The following EFEMP1 variants were observed in gnomAD, a reference collection of about 807,000 sequenced individuals.
EFEMP1 encodes EGF-like fibulin extracellular matrix protein 1.
In EFEMP1, 18 loss-of-function variants were observed where a neutral mutation model predicts 65.7. The ratio of observed to expected loss-of-function variants is 0.27; its 90% CI spans 0.19 to 0.41. The LOEUF (loss-of-function observed/expected upper bound fraction) is 0.41. Ranked by LOEUF, EFEMP1 falls within the 10% of genes least tolerant of loss-of-function variation. EFEMP1 has a pLI of 1.00. For synonymous variants in EFEMP1, 237 were observed against 219.7 expected, an observed-to-expected ratio of 1.08 and a Z score of -0.70; for missense variants, 469 against 624.8, an observed-to-expected ratio of 0.75 and a Z score of 2.66.
rs980965404 is a variant in EFEMP1 at position 55,886,902 on chromosome 2, G to C, written c.518-5168C>G. Among the ~76,000 whole-genome samples the C allele has an allele frequency of 6.6e-6, 1 of 151,942 alleles. No homozygotes were observed. Among genetic ancestry groups the C allele is most frequent in the Admixed American group, 6.6e-5 (1 of 15,252 alleles). ...TATTTGCTATTGATAATGATAACCT[G>C]AGTAATTAATATAATAAATTATGTA... On this transcript the variant is annotated intron_variant, in intron 5 of 11. Coordinates refer to ENST00000355426, the MANE Select transcript of EFEMP1 (RefSeq NM_001039348.3). The surrounding 1 kb of genome is among the most constrained non-coding windows in gnomAD (Gnocchi z 4.0).
At position 55,871,186 on chromosome 2, in the gene EFEMP1, T is replaced by C. The variant is rs1572781445; in HGVS notation, c.1001-63A>G. The C allele has an allele frequency of 3.1e-6, 5 of 1,607,496 alleles. No individual in the cohort carries two copies. The East Asian group carries it at 6.7e-5, about 22-fold the overall frequency. Reference sequence around the variant, plus strand: ...CTAATGAACTGATCTAATTAAATCATATAACTGGCAGATTCTGTTTGCAAG... The same window carrying C: ...CTAATGAACTGATCTAATTAAATCACATAACTGGCAGATTCTGTTTGCAAG... On this transcript the variant is annotated intron_variant, in intron 9 of 11. Coordinates refer to ENST00000355426, the MANE Select transcript of EFEMP1 (RefSeq NM_001039348.3). The surrounding 1 kb of genome is among the most constrained non-coding windows in gnomAD (Gnocchi z 4.2).
rs1187956023 is a variant in EFEMP1 at position 55,870,385 on chromosome 2, G to A, written c.1320+335C>T. On this transcript the variant is annotated intron_variant, in intron 11 of 11. Transcript: ENST00000355426. The surrounding 1 kb of genome is among the most constrained non-coding windows in gnomAD (Gnocchi z 5.8). ...TGTTGGGTGGGGGCAGAGGCGGGGG[G>A]ATGGGAGGCTTGTATTTTCGTGGTC... Among the ~76,000 whole-genome samples the A allele has an allele frequency of 7.2e-6, 1 of 138,358 alleles. No homozygotes were observed. Among genetic ancestry groups the A allele is most frequent in the Non-Finnish European group, 1.6e-5 (1 of 63,854 alleles). The allele number at this position is 138,358 out of a possible 152,430, so 90.8% of individuals were successfully genotyped here.
intron 5 of EFEMP1, among the ~76,000 whole-genome samples, chr2:55,906,205 A>G (rs1670263873): frequency 6.7e-6 from 1 of 148,528 alleles, no homozygotes; most frequent in Non-Finnish European, 1.5e-5. Context: ...ATTGAAGTTC[A>G]GAACAAAGCC....
In EFEMP1 at chr2:55,921,238, C is replaced by T. The variant is rs1475683781; in HGVS notation, c.81+1122G>A. 2.0e-5 allele frequency among the ~76,000 whole-genome samples: 3 copies of T among 152,150 alleles called. No homozygotes were observed. The East Asian group carries it at 5.8e-4, about 29-fold the overall frequency. ...TTTTTCTTGCTTAATTTATCTTCAG[C>T]AGAGGAAGCAACTGCATTTAACATG... On this transcript the variant is annotated intron_variant, in intron 3 of 11. Coordinates refer to ENST00000355426, the MANE Select transcript of EFEMP1 (RefSeq NM_001039348.3). This position sits in a 1 kb window ranked among gnomAD's most constrained non-coding sequence, Gnocchi z 4.1.
intron 5 of EFEMP1, among the ~76,000 whole-genome samples, chr2:55,890,418 A>C (rs865967267): frequency 9.2e-5 from 14 of 152,244 alleles, no homozygotes; most frequent in Middle Eastern, 3.4e-3. Flanking sequence ...GAAAGAATAA[A>C]TACATGTTTT....
rs1032187378 is a variant in EFEMP1 at position 55,922,585 on chromosome 2, C to T, written c.-7-138G>A. 2.6e-6 allele frequency: 2 copies of T among 780,186 alleles called. No homozygotes were observed. The highest frequency in any genetic ancestry group is 2.2e-6 in the Non-Finnish European group (1 of 462,938). 48.3% of individuals were successfully genotyped at this position (780,186 alleles called of 1,614,324 possible). On this transcript the variant is annotated intron_variant, in intron 2 of 11. Transcript: ENST00000355426. This position sits in a 1 kb window ranked among gnomAD's most constrained non-coding sequence, Gnocchi z 5.5. The stretch of plus-strand genomic sequence containing the variant: ...CCATACTCAACTTCCAATCTGCTTT[C>T]TCATCTCCCCTCCCCCTCCTGAACC...
chr2:55,875,083 A>G lies in EFEMP1; in HGVS notation c.881-18T>C. ...ATCAATGTCTGTTGAATTAGACAAGAGAAAGGACACAGAGTTGAAAAGTTT... is the reference window on the plus strand; with the variant it reads ...ATCAATGTCTGTTGAATTAGACAAGGGAAAGGACACAGAGTTGAAAAGTTT... On this transcript the variant is annotated intron_variant, in intron 8 of 11. Coordinates refer to ENST00000355426, the MANE Select transcript of EFEMP1 (RefSeq NM_001039348.3). 1.3e-6 allele frequency: 2 copies of G among 1,580,486 alleles called. No individual in the cohort carries two copies. The highest frequency in any genetic ancestry group is 1.7e-6 in the Non-Finnish European group (2 of 1,160,162).
intron 5 of EFEMP1, among the ~76,000 whole-genome samples, chr2:55,906,468 C>T (rs1484223560): frequency 4.1e-5 from 6 of 145,776 alleles, no homozygotes; most frequent in African/African-American, 1.5e-4. Context: ...AAGTGATCTG[C>T]CTGCCTCGGC....
chr2:55,891,602 A>T (rs76637001), intron 5 of EFEMP1, among the ~76,000 whole-genome samples: 1 of 152,126 alleles, frequency 6.6e-6, no homozygotes, highest in Admixed American at 6.5e-5. Flanking sequence ...TACCTTTACA[A>T]TCTATCTCCC....
In EFEMP1 at chr2:55,919,610, A is replaced by G. The variant is rs1034521995; in HGVS notation, c.82-1343T>C. Reference sequence around the variant, plus strand: ...GAGCAAAAGTGGAGTAAACAAACAAATAAACTTAAATTCTTTTAATATAAC... The same window carrying G: ...GAGCAAAAGTGGAGTAAACAAACAAGTAAACTTAAATTCTTTTAATATAAC... On this transcript the variant is annotated intron_variant, in intron 3 of 11. Transcript: ENST00000355426. The surrounding 1 kb of genome is among the most constrained non-coding windows in gnomAD (Gnocchi z 4.5). 6.6e-6 allele frequency among the ~76,000 whole-genome samples: 1 copy of G among 152,220 alleles called. No homozygotes were observed. Among genetic ancestry groups the G allele is most frequent in the Non-Finnish European group, 1.5e-5 (1 of 68,040 alleles).
At chr2:55,888,812 C>CT (rs1331929927) in intron 5 of EFEMP1, among the ~76,000 whole-genome samples, 1 of 152,154 alleles carries the variant, frequency 6.6e-6, no homozygotes, top group Non-Finnish European at 1.5e-5. Context: ...GGTTTAAGCC[C>CT]ATGCCACACA....
chr2:55,909,876 T>C (rs1670417292), intron 5 of EFEMP1, among the ~76,000 whole-genome samples: 2 of 152,174 alleles, frequency 1.3e-5, no homozygotes, highest in African/African-American at 4.8e-5. Context: ...CTAAAGACTA[T>C]GAGCATTCCT....
At chr2:55,891,665 G>T (rs998297339) in intron 5 of EFEMP1, among the ~76,000 whole-genome samples, 29 of 152,022 alleles carry the variant, frequency 1.9e-4, no homozygotes, top group Non-Finnish European at 1.0e-4. Flanking sequence ...AGGTTTCATT[G>T]TAAGTGGTTA....
At chr2:55,903,573 C>G (rs546588480) in intron 5 of EFEMP1, among the ~76,000 whole-genome samples, 1 of 152,138 alleles carries the variant, frequency 6.6e-6, no homozygotes, top group Non-Finnish European at 1.5e-5. Context: ...CCCCAGGGAA[C>G]TGATATGTTC....
intron 5 of EFEMP1, among the ~76,000 whole-genome samples, chr2:55,908,322 A>G (rs959573920): frequency 2.0e-5 from 3 of 152,130 alleles, no homozygotes; most frequent in Non-Finnish European, 4.4e-5. Flanking sequence ...GCTCACATCA[A>G]TGTTTTCTAC....
chr2:55,896,023 C>T (rs116215620), intron 5 of EFEMP1, among the ~76,000 whole-genome samples: 213 of 152,266 alleles, frequency 1.4e-3, no homozygotes, highest in African/African-American at 4.3e-3. Flanking sequence ...GTCTGGCATT[C>T]TCCACTGGGA....
Position 55,885,876 on chromosome 2 carries a change from C to T in EFEMP1, c.518-4142G>A, listed in dbSNP as rs1285609985. On this transcript the variant is annotated intron_variant, in intron 5 of 11. Transcript: ENST00000355426. This position sits in a 1 kb window ranked among gnomAD's most constrained non-coding sequence, Gnocchi z 4.3. ...TTGGCTCCTTCCCTTCAGTCTGACT[C>T]ATATTTCCCAAACCCCTGACTCATG... Among the ~76,000 whole-genome samples the T allele has an allele frequency of 6.6e-6, 1 of 152,180 alleles. No homozygotes were observed. Among genetic ancestry groups the T allele is most frequent in the Admixed American group, 6.5e-5 (1 of 15,272 alleles).
At chr2:55,889,759 C>T (rs922956698) in intron 5 of EFEMP1, among the ~76,000 whole-genome samples, 8 of 150,296 alleles carry the variant, frequency 5.3e-5, no homozygotes, top group Admixed American at 1.3e-4. Context: ...ACTAATTGAT[C>T]TTAAATTTTG....
chr2:55,870,657 C>A lies in EFEMP1; in HGVS notation c.1320+63G>T, dbSNP rs1668769645. 2 of 1,596,922 alleles carry A rather than the reference C, an allele frequency of 1.3e-6. No homozygotes were observed. Among genetic ancestry groups the A allele is most frequent in the South Asian group, 1.1e-5 (1 of 90,044 alleles). On this transcript the variant is annotated intron_variant, in intron 11 of 11. Coordinates refer to ENST00000355426, the MANE Select transcript of EFEMP1 (RefSeq NM_001039348.3). The surrounding 1 kb of genome is among the most constrained non-coding windows in gnomAD (Gnocchi z 5.8). ...TGTGGATACCACACAACAACAACAA[C>A]AACAACAACAACAACAAACTCCCAT...
Sources: allele counts gnomAD v4.1 joint callset (sites outside exome capture counted in the v4.1 genomes callset), GRCh38; gene constraint gnomAD v4.1.1; non-coding constraint Gnocchi (gnomAD v3.1); transcripts MANE v1.5; gene names NCBI Gene and HGNC (gene_info 2026-07-23, HGNC 2026-07-21).